The following ODAD2 variants were observed in gnomAD, a reference collection of about 807,000 sequenced individuals.
ODAD2 encodes outer dynein arm docking complex subunit 2, also known as outer dynein arm-docking complex subunit 2.
Under a neutral mutation model 106.8 loss-of-function variants are expected in ODAD2, and 89 were observed. The observed-to-expected ratio is 0.83, with a 90% CI of 0.70 to 0.99. The LOEUF is 0.99. Ranked by LOEUF, ODAD2 falls within the 50% of genes least tolerant of loss-of-function variation. The probability of loss-of-function intolerance (pLI) is 0.00; values close to 1 mark genes in which losing one functional copy is unlikely to be tolerated. For missense variants in ODAD2, 1,168 were observed against 1,238.5 expected, an observed-to-expected ratio of 0.94 and a Z score of 0.85; for synonymous variants, 404 against 436.2, an observed-to-expected ratio of 0.93 and a Z score of 0.92.
chr10:27,941,103 A>T (rs1313042179), intron 12 of ODAD2, among the ~76,000 whole-genome samples: 1 of 152,122 alleles, frequency 6.6e-6, no homozygotes, highest in East Asian at 1.9e-4. Context: ...TGTAAACCAC[A>T]TCCTCAGCCC....
At chr10:27,896,504 T>C (rs1255867590) in intron 17 of ODAD2, among the ~76,000 whole-genome samples, 1 of 152,154 alleles carries the variant, frequency 6.6e-6, no homozygotes, top group Non-Finnish European at 1.5e-5. Flanking sequence ...AGGCCATGCG[T>C]TTGTTGCCTG....
At chr10:27,881,661 C>T (rs1039048463) in intron 17 of ODAD2, among the ~76,000 whole-genome samples, 7 of 151,586 alleles carry the variant, frequency 4.6e-5, no homozygotes, top group Non-Finnish European at 7.4e-5. Flanking sequence ...AAGAATGAGC[C>T]GGCAAAAATA....
intron 17 of ODAD2, among the ~76,000 whole-genome samples, chr10:27,875,451 C>G (rs1369267721): frequency 1.3e-5 from 2 of 152,110 alleles, no homozygotes. Context: ...GAATTTTCAG[C>G]TTTTCTGCTC....
chr10:27,899,201 C>G (rs1320844177), intron 17 of ODAD2, among the ~76,000 whole-genome samples: 5 of 151,760 alleles, frequency 3.3e-5, no homozygotes, highest in Non-Finnish European at 5.9e-5. Flanking sequence ...TTGGGAAGCA[C>G]AAGGGATCAG....
At chr10:27,912,468 T>G (rs550090988) in intron 16 of ODAD2, among the ~76,000 whole-genome samples, 4 of 152,314 alleles carry the variant, frequency 2.6e-5, no homozygotes, top group East Asian at 1.9e-4. Context: ...GCTCTTGTTA[T>G]GTTAACATTT....
At position 27,979,399 on chromosome 10, in the gene ODAD2, C is replaced by A. The variant is rs141214243; in HGVS notation, c.936+2067G>T. ...AGTAAAACTATTTGTATGCAGATGG[C>A]ATGATCTTGTATGCAGAAAAACCTA... On this transcript the variant is annotated intron_variant, in intron 7 of 19. Coordinates refer to ENST00000305242, the MANE Select transcript of ODAD2 (RefSeq NM_018076.5). Among the ~76,000 whole-genome samples the A allele has an allele frequency of 8.1e-4, 123 of 151,068 alleles. 1 individual carries two copies. The East Asian group carries it at 0.02, about 25-fold the overall frequency.
At chr10:27,983,677 C>T (rs1261667450) in intron 6 of ODAD2, among the ~76,000 whole-genome samples, 166 bp downstream of exon 6, 2 of 152,118 alleles carry the variant, frequency 1.3e-5, no homozygotes, top group Non-Finnish European at 2.9e-5. Flanking sequence ...AGAGCTAATT[C>T]TGAAGCTATT....
Position 27,936,753 on chromosome 10 carries a change from C to T in ODAD2, c.2225G>A (p.Cys742Tyr). 6.2e-7 allele frequency: 1 copy of T among 1,614,034 alleles called. No individual in the cohort carries two copies. Among genetic ancestry groups the T allele is most frequent in the Non-Finnish European group, 8.5e-7 (1 of 1,179,930 alleles). ...GGTAACATTCTCTTTGCTGATGGAA[C>T]ATTTCCATATAGCCCCTGTGACAGC... Reference protein sequence around the residue: ...LAAVTGAIWKCSISKENVTKF... With the variant: ...LAAVTGAIWKYSISKENVTKF... Residue 742 changes from cysteine to tyrosine, a missense_variant, in exon 15 of 20, where the codon TGT becomes TAT. Around this residue, in one of 3 missense-constraint regions of ODAD2, gnomAD observed 701 missense variants for 712.3 expected, o/e 0.98. Coordinates refer to ENST00000305242, the MANE Select transcript of ODAD2 (RefSeq NM_018076.5).
At chr10:27,951,067 T>C (rs987734760) in intron 10 of ODAD2, among the ~76,000 whole-genome samples, 1 of 152,134 alleles carries the variant, frequency 6.6e-6, no homozygotes, top group Non-Finnish European at 1.5e-5. Context: ...TAGGAAATGT[T>C]TTAGATACAC....
chr10:27,862,004 T>A (rs1254362005), intron 18 of ODAD2, among the ~76,000 whole-genome samples: 1 of 152,182 alleles, frequency 6.6e-6, no homozygotes, highest in Non-Finnish European at 1.5e-5. Flanking sequence ...GGATAAACAA[T>A]GAAATGATTG....
intron 17 of ODAD2, among the ~76,000 whole-genome samples, chr10:27,891,796 T>C (rs568110175): frequency 1.3e-5 from 2 of 152,306 alleles, no homozygotes; most frequent in East Asian, 3.9e-4. Flanking sequence ...AAAAAATGTT[T>C]CTTACAAATG....
chr10:27,871,844 T>C (rs1464181532), intron 17 of ODAD2, among the ~76,000 whole-genome samples: 2 of 152,108 alleles, frequency 1.3e-5, no homozygotes, highest in Admixed American at 1.3e-4. Context: ...TGCAGGGTCT[T>C]TTTTGGTTCC....
chr10:27,840,058 GTTCT>G (rs1347571098), intron 19 of ODAD2, among the ~76,000 whole-genome samples: 1 of 152,070 alleles, frequency 6.6e-6, no homozygotes, highest in Non-Finnish European at 1.5e-5. Context: ...TTATGAAAGA[GTTCT>G]TTAATAAAAA....
intron 1 of ODAD2, among the ~76,000 whole-genome samples, chr10:27,998,413 G>T (rs1417046490): frequency 6.6e-6 from 1 of 152,116 alleles, no homozygotes; most frequent in Non-Finnish European, 1.5e-5. Flanking sequence ...AGGAGGGAAG[G>T]GACGGCGAAA....
chr10:27,884,159 GAA>G (rs1053228516), intron 17 of ODAD2, among the ~76,000 whole-genome samples: 2 of 152,056 alleles, frequency 1.3e-5, no homozygotes, highest in African/African-American at 4.8e-5. Flanking sequence ...AAAGAATCTT[GAA>G]AGTTGCAAGA....
upstream of ODAD2, among the ~76,000 whole-genome samples, chr10:27,999,406 T>C (rs144104950): frequency 6.2e-3 from 950 of 152,204 alleles, 6 homozygotes; most frequent in South Asian, 0.013. Context: ...CCAAATAGCA[T>C]AGGGCTTCTC....
At chr10:27,844,573 C>G (rs1269740371) in intron 19 of ODAD2, among the ~76,000 whole-genome samples, 1 of 152,148 alleles carries the variant, frequency 6.6e-6, no homozygotes, top group Non-Finnish European at 1.5e-5. Context: ...TTCTTATGAC[C>G]TGGGTGATTT....
chr10:27,945,933 A>AC (rs1286916810), intron 10 of ODAD2, among the ~76,000 whole-genome samples: 2 of 146,988 alleles, frequency 1.4e-5, no homozygotes, highest in Non-Finnish European at 2.9e-5. Context: ...CAAACATAGT[A>AC]CCAATGTTTT....
At chr10:27,984,457 T>C (rs1849752749) in intron 4 of ODAD2, among the ~76,000 whole-genome samples, 167 bp from the exon 5 acceptor site, 1 of 152,230 alleles carries the variant, frequency 6.6e-6, no homozygotes, top group South Asian at 2.1e-4. Flanking sequence ...ATCAAGTAAT[T>C]AGTGATTTAT....
Sources: gnomAD v4.1 joint callset for allele counts (sites outside exome capture counted in the v4.1 genomes callset) on GRCh38, gnomAD v4.1.1 for gene constraint, gnomAD v4.1.1 regional missense constraint, MANE v1.5 for transcripts, NCBI Gene and HGNC (gene_info 2026-07-23, HGNC 2026-07-21) for gene names.